Variants in ZC3H4 observed in about 807,000 individuals in gnomAD.
The protein encoded by ZC3H4 is zinc finger CCCH domain-containing protein 4.
ZC3H4 carries 13 observed loss-of-function variants against 108.3 expected under a neutral mutation model. The observed-to-expected ratio is 0.12, with a 90% CI of 0.08 to 0.19. The LOEUF (loss-of-function observed/expected upper bound fraction) is 0.19. Among genes scored for constraint, ZC3H4 ranks in the 10% least tolerant of loss-of-function variants. ZC3H4 has a pLI of 1.00. For synonymous variants in ZC3H4, 917 were observed against 749.6 expected (o/e 1.22, Z -3.65); for missense variants, 1,734 against 1,838.8 (o/e 0.94, Z 1.04).
chr19:47,067,785 G>A lies in ZC3H4; in HGVS notation c.2483C>T (p.Thr828Met), dbSNP rs896149481. Residue 828 changes from threonine (T) to methionine (M), a missense_variant, in exon 15 of 15, where the codon ACG (threonine) becomes ATG (methionine). Physicochemically the swap from Thr to Met is moderately conservative, Grantham distance 81. Coordinates refer to ENST00000253048, the MANE Select transcript of ZC3H4 (RefSeq NM_015168.2). The surrounding 1 kb of genome is among the most constrained non-coding windows in gnomAD (Gnocchi z 6.4). The stretch of plus-strand genomic sequence containing the variant: ...AACTGAAGCCGGGGGTCGGCTGGAC[G>A]TCTGCTGCCTCAAGGTCTTCAGGAT... ...TSILKTLRQQ[T>M]SSRPPASVGE... 17 of 1,609,268 alleles carry A rather than the reference G, an allele frequency of 1.1e-5. No individual in the cohort carries two copies. Among genetic ancestry groups the A allele is most frequent in the South Asian group, 1.1e-5 (1 of 90,324 alleles).
intron 2 of ZC3H4, among the ~76,000 whole-genome samples, chr19:47,106,910 G>C (rs2057975089): frequency 6.6e-6 from 1 of 152,200 alleles, no homozygotes; most frequent in Non-Finnish European, 1.5e-5. Context: ...CCTCTGGAGA[G>C]AGTAAAGGAC....
Position 47,066,547 on chromosome 19 carries a change from C to CACCCTCGGGGGGTGGGGT in ZC3H4, c.3703_3720dup (p.Thr1235_Gly1240dup). On this transcript the variant is annotated inframe_insertion, in exon 15 of 15. Coordinates refer to ENST00000253048, the MANE Select transcript of ZC3H4 (RefSeq NM_015168.2). ...TTGTGCACCCCGGGCTGGGGTGGGG[C>CACCCTCGGGGGGTGGGGT]ACCCTCGGGGGGTGGGGTGGCGGTG... is the stretch of plus-strand genomic sequence containing the variant. 2 of 1,570,540 alleles carry CACCCTCGGGGGGTGGGGT rather than the reference C, an allele frequency of 1.3e-6. No homozygotes were observed. The highest frequency in any genetic ancestry group is 2.3e-5 in the East Asian group (1 of 44,116).
intron 1 of ZC3H4, chr19:47,113,222 G>C (rs2058063583): frequency 6.5e-6 from 1 of 153,164 alleles, no homozygotes; most frequent in Non-Finnish European, 1.5e-5. Flanking sequence ...CAGGAGAGGG[G>C]TAGAGACCGC....
intron 4 of ZC3H4, among the ~76,000 whole-genome samples, chr19:47,091,125 T>C (rs567406547): frequency 7.9e-5 from 12 of 151,408 alleles, no homozygotes; most frequent in African/African-American, 2.7e-4. Context: ...AACAACAAAA[T>C]AGCCGAGTGT....
intron 11 of ZC3H4, among the ~76,000 whole-genome samples, chr19:47,078,345 A>G (rs1480460248): frequency 6.6e-6 from 1 of 151,860 alleles, no homozygotes; most frequent in African/African-American, 2.4e-5. Flanking sequence ...ACGGACGGGC[A>G]TGGTGGCTCA....
chr19:47,073,346 G>A (rs1334999367), intron 11 of ZC3H4, among the ~76,000 whole-genome samples: 1 of 152,114 alleles, frequency 6.6e-6, no homozygotes, highest in Non-Finnish European at 1.5e-5. Flanking sequence ...GAGGTGGGCA[G>A]ATCACCTGAG....
At chr19:47,088,462 C>T (rs1436350256) in intron 5 of ZC3H4, among the ~76,000 whole-genome samples, 21 of 151,940 alleles carry the variant, frequency 1.4e-4, no homozygotes, top group African/African-American at 4.6e-4. Flanking sequence ...GCAGGAGAAT[C>T]GCTTGACCTC....
At chr19:47,112,094 C>A (rs2058046765) in intron 2 of ZC3H4, 2 of 1,033,284 alleles carry the variant, frequency 1.9e-6, no homozygotes, top group Non-Finnish European at 2.3e-6. Context: ...CCCACGGCGC[C>A]CCCTCCCCAG....
chr19:47,077,861 CAAAAAAA>C (rs767129835), intron 11 of ZC3H4, among the ~76,000 whole-genome samples: 2 of 72,300 alleles, frequency 2.8e-5, no homozygotes, highest in South Asian at 4.7e-4. Flanking sequence ...CCGTCTCAAA[CAAAAAAA>C]AAAAAAAAAA....
intron 2 of ZC3H4, among the ~76,000 whole-genome samples, chr19:47,110,199 C>T (rs576024422): frequency 5.5e-4 from 83 of 152,034 alleles, no homozygotes; most frequent in African/African-American, 1.9e-3. Context: ...CTACTTGAAC[C>T]AATCTTTTTT....
Position 47,111,420 on chromosome 19 carries a change from AG to A in ZC3H4, c.161+1003del, listed in dbSNP as rs150057158. ...TCCTTTAACGCCCTGCCAAAGCACA[AG>A]GAAATCTCCTTTTCTCTCCCGGAAG... On this transcript the variant is annotated intron_variant, in intron 2 of 14. Coordinates refer to ENST00000253048, the MANE Select transcript of ZC3H4 (RefSeq NM_015168.2). Among the ~76,000 whole-genome samples, 5 of 152,304 alleles carry A rather than the reference AG, an allele frequency of 3.3e-5. No individual in the cohort carries two copies. In the East Asian group the frequency reaches 9.7e-4, roughly 29 times the overall value.
intron 9 of ZC3H4, 85 bp from the exon 10 acceptor site, chr19:47,082,380 C>T (rs1300591909): frequency 2.0e-6 from 2 of 1,023,040 alleles, no homozygotes; most frequent in East Asian, 4.8e-5. Flanking sequence ...AATACTGTCA[C>T]TGCTGGTGCA....
chr19:47,108,097 C>A lies in ZC3H4; in HGVS notation c.161+4327G>T, dbSNP rs920990742. Among the ~76,000 whole-genome samples, 3 of 152,202 alleles carry A rather than the reference C, an allele frequency of 2.0e-5. 1 individual carries two copies. Among genetic ancestry groups the A allele is most frequent in the African/African-American group, 7.2e-5 (3 of 41,440 alleles). ...CCACCAATGAGGCTGCTCCTACAGT[C>A]TCTGATCTGCTGAATAAATACCAAT... On this transcript the variant is annotated intron_variant, in intron 2 of 14. Coordinates refer to ENST00000253048, the MANE Select transcript of ZC3H4 (RefSeq NM_015168.2).
At chr19:47,097,931 A>C (rs2057848902) in intron 2 of ZC3H4, among the ~76,000 whole-genome samples, 1 of 152,182 alleles carries the variant, frequency 6.6e-6, no homozygotes, top group African/African-American at 2.4e-5. Context: ...AGCCCTCGGG[A>C]ACAAGAAAGC....
intron 2 of ZC3H4, among the ~76,000 whole-genome samples, chr19:47,107,366 G>T (rs745953768): frequency 3.3e-5 from 5 of 152,216 alleles, no homozygotes; most frequent in South Asian, 2.1e-4. Context: ...TGACCACAAG[G>T]ACCCTGAGAA....
intron 9 of ZC3H4, among the ~76,000 whole-genome samples, chr19:47,083,896 T>A (rs569873246): frequency 6.6e-6 from 1 of 152,104 alleles, no homozygotes; most frequent in Non-Finnish European, 1.5e-5. Context: ...CCTTCAGAAC[T>A]CTGTGGTCAT....
Position 47,067,881 on chromosome 19 carries a change from C to T in ZC3H4, c.2399-12G>A. 6.3e-7 allele frequency: 1 copy of T among 1,575,004 alleles called. No homozygotes were observed. ...GTTTCCGGTGTCACCTGGGAAAGAA[C>T]AGAGGAGCAGGGAGGGGTGAGTGGG... On this transcript the variant is annotated splice_polypyrimidine_tract_variant and intron_variant, in intron 14 of 14. Coordinates refer to ENST00000253048, the MANE Select transcript of ZC3H4 (RefSeq NM_015168.2). This position sits in a 1 kb window ranked among gnomAD's most constrained non-coding sequence, Gnocchi z 6.4.
chr19:47,097,082 T>A (rs915683917), intron 2 of ZC3H4: 10 of 748,812 alleles, frequency 1.3e-5, no homozygotes, highest in Non-Finnish European at 1.5e-5. Flanking sequence ...GCCTTAACCA[T>A]CATCCAGAAT....
chr19:47,089,581 T>A (rs972038510), intron 5 of ZC3H4, among the ~76,000 whole-genome samples: 1 of 152,186 alleles, frequency 6.6e-6, no homozygotes, highest in Admixed American at 6.5e-5. Flanking sequence ...GGTGTGGCAG[T>A]GGCAAGGACT....
Sources: gnomAD v4.1 joint callset for allele counts (sites outside exome capture counted in the v4.1 genomes callset) on GRCh38, gnomAD v4.1.1 for gene constraint, Gnocchi (gnomAD v3.1) non-coding constraint, MANE v1.5 for transcripts, NCBI Gene and HGNC (gene_info 2026-07-23, HGNC 2026-07-21) for gene names.